Variants in RBL1 observed in about 807,000 individuals in gnomAD.
The protein encoded by RBL1 is retinoblastoma-like protein 1.
In RBL1, 82 loss-of-function variants were observed where a neutral mutation model predicts 123.0. The observed-to-expected ratio is 0.67, with a 90% CI of 0.56 to 0.80. The LOEUF (loss-of-function observed/expected upper bound fraction) is 0.80, where lower values mean the gene tolerates loss of function less well. Among genes scored for constraint, RBL1 ranks in the 30% least tolerant of loss-of-function variants. The pLI is 0.00. For missense variants in RBL1, 1,171 were observed against 1,299.6 expected, an observed-to-expected ratio of 0.90 and a Z score of 1.52; for synonymous variants, 405 against 441.3, an observed-to-expected ratio of 0.92 and a Z score of 1.03.
chr20:37,039,007 T>C (rs1424806741), intron 14 of RBL1, among the ~76,000 whole-genome samples: 1 of 152,186 alleles, frequency 6.6e-6, no homozygotes, highest in Non-Finnish European at 1.5e-5. Context: ...TACCGTACTA[T>C]GTAACCTGAA....
chr20:37,052,376 C>T lies in RBL1; in HGVS notation c.1467+3177G>A, dbSNP rs559335700. ...AGATGCAGTCTCTCTCTGTCTTCCA[C>T]GTGGGAGTGCAGTGGTGTGATCTCG... On this transcript the variant is annotated intron_variant, in intron 11 of 21. Coordinates refer to ENST00000373664, the MANE Select transcript of RBL1 (RefSeq NM_002895.5). Among the ~76,000 whole-genome samples the T allele has an allele frequency of 4.6e-5, 7 of 151,240 alleles. No homozygotes were observed. In the South Asian group the frequency reaches 8.4e-4, roughly 18 times the overall value.
At chr20:37,040,335 T>G (rs747166334) in intron 13 of RBL1, 50 bp from the exon 14 acceptor site, 1 of 1,577,744 alleles carries the variant, frequency 6.3e-7, no homozygotes, top group South Asian at 1.2e-5. Flanking sequence ...ACTTGCTGAT[T>G]AAAACTTATT....
chr20:37,001,978 T>A (rs1002643539), intron 21 of RBL1, among the ~76,000 whole-genome samples: 7 of 150,260 alleles, frequency 4.7e-5, no homozygotes, highest in African/African-American at 1.7e-4. Flanking sequence ...CAACTGAATT[T>A]ACTGTATAAC....
intron 9 of RBL1, among the ~76,000 whole-genome samples, chr20:37,058,147 A>C (rs538526082): frequency 0.021 from 3,182 of 150,218 alleles, 127 homozygotes; most frequent in African/African-American, 0.071. Context: ...AAACAAAAAA[A>C]AAAAAGCCTA....
intron 2 of RBL1, among the ~76,000 whole-genome samples, chr20:37,082,395 G>A (rs2065467193): frequency 1.3e-5 from 2 of 152,132 alleles, no homozygotes; most frequent in African/African-American, 4.8e-5. Flanking sequence ...ATGTGAAGGT[G>A]AAGGTATGCT....
chr20:37,083,489 A>G (rs1381328761), intron 2 of RBL1, among the ~76,000 whole-genome samples: 4 of 149,538 alleles, frequency 2.7e-5, no homozygotes, highest in African/African-American at 4.9e-5. Flanking sequence ...AACAAAAAAT[A>G]AAAAAGATAA....
chr20:37,010,996 T>A (rs1335466579), intron 19 of RBL1, among the ~76,000 whole-genome samples: 1 of 151,902 alleles, frequency 6.6e-6, no homozygotes, highest in African/African-American at 2.4e-5. Flanking sequence ...TTTATTTTCA[T>A]TTTTTGCAGA....
At chr20:37,091,024 C>G (rs1302677029) in intron 1 of RBL1, among the ~76,000 whole-genome samples, 2 of 152,130 alleles carry the variant, frequency 1.3e-5, no homozygotes, top group African/African-American at 4.8e-5. Context: ...CACTTCATGA[C>G]TTCACTGCTG....
At chr20:37,007,019 G>C (rs977764431) in intron 20 of RBL1, among the ~76,000 whole-genome samples, 2 of 150,926 alleles carry the variant, frequency 1.3e-5, no homozygotes, top group African/African-American at 4.9e-5. Flanking sequence ...GGCTGAGGTG[G>C]GTAGATTGCT....
chr20:37,084,547 A>C (rs1568892700), intron 2 of RBL1, among the ~76,000 whole-genome samples: 2 of 152,110 alleles, frequency 1.3e-5, no homozygotes, highest in African/African-American at 2.4e-5. Flanking sequence ...AAAAAATATA[A>C]AATTTGCCAA....
At chr20:37,084,724 A>G (rs2065512522) in intron 2 of RBL1, among the ~76,000 whole-genome samples, 1 of 152,168 alleles carries the variant, frequency 6.6e-6, no homozygotes, top group African/African-American at 2.4e-5. Context: ...AAGAAAATAA[A>G]AAGAAAAAAT....
chr20:37,060,210 A>AAATCAATC (rs1555862332), intron 9 of RBL1, among the ~76,000 whole-genome samples: 3 of 151,222 alleles, frequency 2.0e-5, no homozygotes, highest in Admixed American at 6.6e-5. Context: ...ATAAATAAAT[A>AAATCAATC]AATCCATTTT....
chr20:37,088,893 T>C, intron 2 of RBL1, 96 bp downstream of exon 2: 1 of 830,358 alleles, frequency 1.2e-6, no homozygotes, highest in Non-Finnish European at 1.7e-6. Context: ...ATAAATAAAA[T>C]AAAAATTAAA....
intron 11 of RBL1, among the ~76,000 whole-genome samples, chr20:37,055,111 G>T (rs1296762684): frequency 6.6e-6 from 1 of 152,072 alleles, no homozygotes; most frequent in African/African-American, 2.4e-5. Context: ...TCATATGATA[G>T]GTCTGAATTT....
intron 6 of RBL1, 35 bp from the exon 7 acceptor site, chr20:37,065,508 AT>A: frequency 7.1e-7 from 1 of 1,400,480 alleles, no homozygotes; most frequent in Non-Finnish European, 1.0e-6. Context: ...ACACCATATA[AT>A]TAAGCATATT....
At chr20:37,085,474 T>C (rs1029963119) in intron 2 of RBL1, among the ~76,000 whole-genome samples, 1 of 151,994 alleles carries the variant, frequency 6.6e-6, no homozygotes, top group African/African-American at 2.4e-5. Flanking sequence ...TCTGTATTAT[T>C]TAAAATTTTT....
At chr20:37,092,707 G>T (rs1187434244) in intron 1 of RBL1, among the ~76,000 whole-genome samples, 2 of 152,078 alleles carry the variant, frequency 1.3e-5, no homozygotes, top group East Asian at 3.9e-4. Context: ...GCCCAGGCTG[G>T]TCTTGAACTT....
chr20:37,024,036 C>T (rs1450116355), intron 16 of RBL1, among the ~76,000 whole-genome samples: 2 of 151,942 alleles, frequency 1.3e-5, no homozygotes, highest in South Asian at 2.1e-4. Flanking sequence ...CTGCTGGCCT[C>T]GGCCTCCCAA....
Position 37,034,439 on chromosome 20 carries a change from A to G in RBL1, c.2170+803T>C, listed in dbSNP as rs369106142. On this transcript the variant is annotated intron_variant, in intron 15 of 21. Transcript: ENST00000373664. ...TCAAAAAACAGAATTTTTGCTCAAT[A>G]CATACATATTGGAAAGCTCAGATAA... 1.2e-4 allele frequency among the ~76,000 whole-genome samples: 18 copies of G among 152,202 alleles called. 1 individual carries two copies. In the East Asian group the frequency reaches 3.1e-3, roughly 26 times the overall value.
Sources: gnomAD v4.1 joint callset for allele counts (sites outside exome capture counted in the v4.1 genomes callset) on GRCh38, gnomAD v4.1.1 for gene constraint, MANE v1.5 for transcripts, NCBI Gene and HGNC (gene_info 2026-07-23, HGNC 2026-07-21) for gene names.